The following ZBTB7C variants were observed in gnomAD, a reference collection of about 807,000 sequenced individuals.
ZBTB7C encodes zinc finger and BTB domain containing 7C.
ZBTB7C carries 8 observed loss-of-function variants against 25.7 expected under a neutral mutation model. The observed-to-expected ratio is 0.31, with a 90% CI of 0.18 to 0.56. ZBTB7C has a LOEUF of 0.56. Ranked by LOEUF, ZBTB7C falls within the 20% of genes least tolerant of loss-of-function variation. The pLI, the probability that ZBTB7C is intolerant of heterozygous loss-of-function variation, is 0.91. For missense variants in ZBTB7C, 824 were observed against 855.2 expected, an observed-to-expected ratio of 0.96 and a Z score of 0.46; for synonymous variants, 394 against 369.0, an observed-to-expected ratio of 1.07 and a Z score of -0.78.
At chr18:48,390,568 G>A (rs1169468884) in intron 1 of ZBTB7C, among the ~76,000 whole-genome samples, 1 of 152,174 alleles carries the variant, frequency 6.6e-6, no homozygotes, top group South Asian at 2.1e-4. Flanking sequence ...AATAGCTGCT[G>A]GTGATGATTT....
chr18:48,396,137 A>G (rs1406424615), intron 1 of ZBTB7C, among the ~76,000 whole-genome samples: 1 of 152,194 alleles, frequency 6.6e-6, no homozygotes, highest in Non-Finnish European at 1.5e-5. Context: ...TTAGAAAAAC[A>G]CCCAAGGATT....
At chr18:48,207,758 A>T (rs1177681020) in intron 2 of ZBTB7C, among the ~76,000 whole-genome samples, 2 of 152,276 alleles carry the variant, frequency 1.3e-5, no homozygotes, top group African/African-American at 4.8e-5. Flanking sequence ...CAGGCCACAG[A>T]TATATTGTTA....
At chr18:48,335,104 C>G (rs1167963663) in intron 2 of ZBTB7C, among the ~76,000 whole-genome samples, 2 of 152,232 alleles carry the variant, frequency 1.3e-5, no homozygotes, top group Non-Finnish European at 2.9e-5. Flanking sequence ...CTGTCACCAC[C>G]AGGGGCTAAG....
chr18:48,272,349 T>A (rs1024987827), intron 2 of ZBTB7C, among the ~76,000 whole-genome samples: 79 of 152,312 alleles, frequency 5.2e-4, no homozygotes, highest in African/African-American at 1.9e-3. Flanking sequence ...CTTCTGGTTC[T>A]TTGGCCTTTG....
At chr18:48,334,899 G>A (rs2046425375) in intron 2 of ZBTB7C, among the ~76,000 whole-genome samples, 1 of 152,204 alleles carries the variant, frequency 6.6e-6, no homozygotes, top group Non-Finnish European at 1.5e-5. Flanking sequence ...GGGATGACTT[G>A]GGACCTGGAG....
At chr18:48,361,883 G>A (rs1489356902) in intron 1 of ZBTB7C, among the ~76,000 whole-genome samples, 1 of 152,230 alleles carries the variant, frequency 6.6e-6, no homozygotes, top group Non-Finnish European at 1.5e-5. Flanking sequence ...TTCAGCAAGT[G>A]TGGTCAGACA....
rs749457847 is a variant in ZBTB7C at position 48,040,639 on chromosome 18, C to T, written c.469G>A (p.Glu157Lys). 83 of 1,613,468 alleles carry T rather than the reference C, an allele frequency of 5.1e-5. 1 individual carries two copies. The South Asian group carries it at 7.7e-4, about 15-fold the overall frequency. The change falls in exon 4 of 5, where the codon GAG becomes AAG. Residue 157 changes from glutamate to lysine, a missense_variant. By Grantham distance (56) the Glu-to-Lys change is moderately conservative. This residue lies in a region of ZBTB7C where 316 missense variants were observed against 299.2 expected (regional missense o/e 1.06). Coordinates refer to ENST00000590800, the MANE Select transcript of ZBTB7C (RefSeq NM_001318841.2). ...DDDDEEDEEE[E>K]EEEEEDDDDD... ...TCGTCATCCTCCTCCTCTTCCTCCT[C>T]CTCCTCTTCGTCCTCCTCATCATCA... is the stretch of plus-strand genomic sequence containing the variant.
chr18:48,397,214 C>T (rs548389268), intron 1 of ZBTB7C, among the ~76,000 whole-genome samples: 23 of 152,206 alleles, frequency 1.5e-4, no homozygotes, highest in Admixed American at 1.1e-3. Flanking sequence ...ATGTGAACTG[C>T]ACAGGGCGGG....
intron 2 of ZBTB7C, among the ~76,000 whole-genome samples, chr18:48,238,626 C>T (rs1340462453): frequency 6.6e-6 from 1 of 152,158 alleles, no homozygotes; most frequent in African/African-American, 2.4e-5. Context: ...TCTGTAGGCG[C>T]TCCTGGTCCC....
At chr18:48,315,407 G>A (rs1415887906) in intron 2 of ZBTB7C, among the ~76,000 whole-genome samples, 1 of 152,118 alleles carries the variant, frequency 6.6e-6, no homozygotes, top group Admixed American at 6.5e-5. Context: ...ATGGAGTGAC[G>A]GTCCTCCCCA....
At chr18:48,357,354 G>A (rs1325357093) in intron 1 of ZBTB7C, among the ~76,000 whole-genome samples, 2 of 152,168 alleles carry the variant, frequency 1.3e-5, no homozygotes, top group East Asian at 1.9e-4. Context: ...AGCCAGGCCC[G>A]GGAGAAACAC....
intron 3 of ZBTB7C, among the ~76,000 whole-genome samples, chr18:48,057,483 G>T (rs543057987): frequency 6.6e-6 from 1 of 152,150 alleles, no homozygotes; most frequent in Non-Finnish European, 1.5e-5. Context: ...GGTTTAGAAA[G>T]AAAAAGATGA....
chr18:48,215,097 TCTC>T (rs1648855388), intron 2 of ZBTB7C, among the ~76,000 whole-genome samples: 2 of 152,186 alleles, frequency 1.3e-5, no homozygotes, highest in South Asian at 4.1e-4. Context: ...TAATGATAAA[TCTC>T]CTCCAGGTTC....
At chr18:48,156,271 T>C (rs1004463584) in intron 3 of ZBTB7C, among the ~76,000 whole-genome samples, 6 of 152,196 alleles carry the variant, frequency 3.9e-5, no homozygotes, top group African/African-American at 9.7e-5. Flanking sequence ...GGCATGGCGA[T>C]AGACTTAGTA....
intron 4 of ZBTB7C, among the ~76,000 whole-genome samples, chr18:48,030,357 T>C (rs577267645): frequency 1.1e-4 from 16 of 152,296 alleles, no homozygotes; most frequent in African/African-American, 3.8e-4. Flanking sequence ...TTCATCTATA[T>C]GCTTTGGCCC....
At chr18:48,102,897 A>T (rs1375191787) in intron 3 of ZBTB7C, among the ~76,000 whole-genome samples, 1 of 151,980 alleles carries the variant, frequency 6.6e-6, no homozygotes, top group Non-Finnish European at 1.5e-5. Context: ...CAGCCTTTCA[A>T]AAAGGGAGTC....
At chr18:48,302,074 G>A (rs1598821390) in intron 2 of ZBTB7C, among the ~76,000 whole-genome samples, 1 of 152,162 alleles carries the variant, frequency 6.6e-6, no homozygotes, top group Non-Finnish European at 1.5e-5. Flanking sequence ...TCTCAGGGGG[G>A]TGTATTTCTC....
intron 3 of ZBTB7C, among the ~76,000 whole-genome samples, chr18:48,114,392 A>G (rs1293651836): frequency 1.3e-5 from 2 of 152,224 alleles, no homozygotes; most frequent in African/African-American, 4.8e-5. Flanking sequence ...ATTTGAGATC[A>G]GGAGTTTGAG....
intron 1 of ZBTB7C, among the ~76,000 whole-genome samples, chr18:48,360,340 G>C (rs1277971773): frequency 6.6e-6 from 1 of 152,174 alleles, no homozygotes; most frequent in Non-Finnish European, 1.5e-5. Context: ...AGTTGAGCTG[G>C]GATTTAGACA....
Sources: allele counts gnomAD v4.1 joint callset (sites outside exome capture counted in the v4.1 genomes callset), GRCh38; gene constraint gnomAD v4.1.1; regional missense constraint gnomAD v4.1.1; transcripts MANE v1.5; gene names NCBI Gene and HGNC (gene_info 2026-07-23, HGNC 2026-07-21).